Variants in MTDH observed in about 807,000 individuals in gnomAD.
The protein encoded by MTDH is metadherin.
In MTDH, 34 loss-of-function variants were observed where a neutral mutation model predicts 72.7. The observed-to-expected ratio is 0.47, with a 90% CI of 0.36 to 0.62. MTDH has a LOEUF of 0.62. Among genes scored for constraint, MTDH ranks in the 20% least tolerant of loss-of-function variants. The pLI is 0.00. For missense variants in MTDH, 677 were observed against 699.4 expected (o/e 0.97, Z 0.36); for synonymous variants, 266 against 268.9 (o/e 0.99, Z 0.10).
At chr8:97,699,381 G>A (rs1007501034) in intron 6 of MTDH, among the ~76,000 whole-genome samples, 1 of 151,850 alleles carries the variant, frequency 6.6e-6, no homozygotes, top group Non-Finnish European at 1.5e-5. Context: ...AGGCTGCAGT[G>A]AGCCACGATC....
chr8:97,669,977 C>G (rs1812546219), intron 2 of MTDH, among the ~76,000 whole-genome samples: 7 of 151,710 alleles, frequency 4.6e-5, no homozygotes, highest in Admixed American at 4.6e-4. Context: ...GTATATGTAG[C>G]CTGGATTTTT....
At chr8:97,689,334 T>G (rs567448556) in intron 5 of MTDH, among the ~76,000 whole-genome samples, 3 of 152,178 alleles carry the variant, frequency 2.0e-5, no homozygotes, top group African/African-American at 2.4e-5. Context: ...CCCCCATATA[T>G]AAAAACATTC....
At chr8:97,718,901 G>GC (rs1453737782) in intron 9 of MTDH, 148 bp from the exon 10 acceptor site, 3 of 612,404 alleles carry the variant, frequency 4.9e-6, no homozygotes, top group Non-Finnish European at 8.3e-6. Flanking sequence ...TCACCATGTT[G>GC]CCCAGGCTGG....
At chr8:97,649,689 C>G (rs1811689008) in intron 1 of MTDH, among the ~76,000 whole-genome samples, 1 of 151,870 alleles carries the variant, frequency 6.6e-6, no homozygotes. Context: ...CTGCAGCTTC[C>G]ACTTCCCAGA....
At chr8:97,687,206 T>G (rs1008193309) in intron 3 of MTDH, among the ~76,000 whole-genome samples, 1 of 152,124 alleles carries the variant, frequency 6.6e-6, no homozygotes, top group African/African-American at 2.4e-5. Context: ...GATGACAGAT[T>G]TGATAAAAAT....
At chr8:97,719,223 A>G (rs1174992957) in intron 10 of MTDH, 34 bp downstream of exon 10, 1 of 1,603,522 alleles carries the variant, frequency 6.2e-7, no homozygotes, top group Non-Finnish European at 8.5e-7. Context: ...TGCCGGGCGC[A>G]GTGGCTTACG....
chr8:97,713,324 A>T (rs892923933), intron 8 of MTDH, among the ~76,000 whole-genome samples: 4 of 152,038 alleles, frequency 2.6e-5, no homozygotes, highest in Non-Finnish European at 5.9e-5. Flanking sequence ...TGACCTCGTG[A>T]TCCGCCCGCC....
At position 97,682,385 on chromosome 8, in the gene MTDH, G is replaced by A. The variant is rs200245645; in HGVS notation, c.484-4283G>A. On this transcript the variant is annotated intron_variant, in intron 2 of 11. Transcript: ENST00000336273. The stretch of plus-strand genomic sequence containing the variant: ...GTGGTCTTGGCTCACTGCAACCTCC[G>A]CCTCCCAGGTTCAAGCGATTCTCCT... 3.0e-5 allele frequency among the ~76,000 whole-genome samples: 4 copies of A among 131,532 alleles called. No homozygotes were observed. In the East Asian group the frequency reaches 1.0e-3, roughly 33 times the overall value. 86.3% of individuals were successfully genotyped at this position (131,532 alleles called of 152,430 possible).
intron 1 of MTDH, among the ~76,000 whole-genome samples, chr8:97,651,181 A>G (rs1396555021): frequency 3.9e-5 from 6 of 152,176 alleles, no homozygotes; most frequent in Non-Finnish European, 8.8e-5. Flanking sequence ...TGGTCACAAT[A>G]TTTTCACCAA....
intron 9 of MTDH, among the ~76,000 whole-genome samples, chr8:97,715,376 G>A (rs1245015956): frequency 6.8e-6 from 1 of 146,740 alleles, no homozygotes; most frequent in Admixed American, 6.8e-5. Flanking sequence ...TGATCTTCCT[G>A]CCTCAGCCTC....
At chr8:97,647,568 G>T (rs1232485802) in intron 1 of MTDH, among the ~76,000 whole-genome samples, 1 of 152,126 alleles carries the variant, frequency 6.6e-6, no homozygotes, top group Non-Finnish European at 1.5e-5. Context: ...GCAAGATAAT[G>T]TGAGAGGCCT....
At chr8:97,685,440 G>C (rs1194354028) in intron 2 of MTDH, among the ~76,000 whole-genome samples, 1 of 152,020 alleles carries the variant, frequency 6.6e-6, no homozygotes, top group East Asian at 1.9e-4. Flanking sequence ...TTTTTTATTG[G>C]TAGGAAAAGC....
intron 2 of MTDH, among the ~76,000 whole-genome samples, chr8:97,673,068 C>T (rs142689277): frequency 6.6e-6 from 1 of 152,112 alleles, no homozygotes; most frequent in African/African-American, 2.4e-5. Context: ...ATTGGTTACT[C>T]ATAAATTAAC....
intron 6 of MTDH, among the ~76,000 whole-genome samples, chr8:97,697,150 A>ATATAAATATTTTTTTTTTTTTTTTTTTTT: frequency 1.5e-5 from 1 of 68,838 alleles, no homozygotes; most frequent in African/African-American, 9.1e-5. Flanking sequence ...ATATATATAT[A>ATATAAATATTTTTTTTTTTTTTTTTTTTT]TTTTTTTTTT....
At chr8:97,676,671 C>T (rs1244001072) in intron 2 of MTDH, among the ~76,000 whole-genome samples, 1 of 151,494 alleles carries the variant, frequency 6.6e-6, no homozygotes, top group Non-Finnish European at 1.5e-5. Context: ...GAGTTCGAGA[C>T]CAGCTTGGGC....
intron 2 of MTDH, among the ~76,000 whole-genome samples, chr8:97,671,318 A>T (rs1812613108): frequency 6.6e-6 from 1 of 152,180 alleles, no homozygotes; most frequent in African/African-American, 2.4e-5. Flanking sequence ...TCCAAACCAT[A>T]TCGTGCCTCA....
chr8:97,681,489 TTC>T (rs1478849824), intron 2 of MTDH, among the ~76,000 whole-genome samples: 3 of 144,500 alleles, frequency 2.1e-5, no homozygotes, highest in African/African-American at 5.3e-5. Flanking sequence ...TAAGAATTTT[TTC>T]TTTTTTTTTT....
chr8:97,666,737 G>A (rs1304800786), intron 2 of MTDH, among the ~76,000 whole-genome samples: 2 of 152,128 alleles, frequency 1.3e-5, no homozygotes, highest in South Asian at 2.1e-4. Flanking sequence ...TCACTCTGTC[G>A]CCCAGGGTGG....
intron 8 of MTDH, among the ~76,000 whole-genome samples, chr8:97,711,990 A>G (rs1245783728): frequency 6.6e-6 from 1 of 152,190 alleles, no homozygotes; most frequent in African/African-American, 2.4e-5. Context: ...CGTTTCAAGA[A>G]TGTTTTATTA....
Sources: allele counts gnomAD v4.1 joint callset (sites outside exome capture counted in the v4.1 genomes callset), GRCh38; gene constraint gnomAD v4.1.1; transcripts MANE v1.5; gene names NCBI Gene and HGNC (gene_info 2026-07-23, HGNC 2026-07-21).